SLC25A15: variants seen among roughly 807,000 people sequenced by gnomAD.
SLC25A15 encodes mitochondrial ornithine transporter 1.
SLC25A15 carries 24 observed loss-of-function variants against 32.3 expected under a neutral mutation model. The ratio of observed to expected loss-of-function variants is 0.74; its 90% confidence interval spans 0.54 to 1.04. The LOEUF (loss-of-function observed/expected upper bound fraction) is 1.04, where lower values mean the gene tolerates loss of function less well. Ranked by LOEUF, SLC25A15 falls within the 50% of genes least tolerant of loss-of-function variation. The probability of loss-of-function intolerance (pLI) is 0.00; values close to 1 mark genes in which losing one functional copy is unlikely to be tolerated. For synonymous variants in SLC25A15, 132 were observed against 142.1 expected (o/e 0.93, Z 0.51); for missense variants, 317 against 374.5 (o/e 0.85, Z 1.27).
intron 1 of SLC25A15, 63 bp from the exon 2 acceptor site, chr13:40,793,095 T>A: frequency 1.1e-6 from 1 of 886,216 alleles, no homozygotes. Flanking sequence ...GTAATTTGGC[T>A]GCAGGCCTAG....
chr13:40,806,987 C>T (rs1008692147), intron 4 of SLC25A15, among the ~76,000 whole-genome samples: 13 of 152,332 alleles, frequency 8.5e-5, no homozygotes, highest in Middle Eastern at 3.4e-3. Flanking sequence ...AAAACAGATC[C>T]TGTAAACACC....
chr13:40,792,200 T>C (rs1285855981), intron 1 of SLC25A15, among the ~76,000 whole-genome samples: 2 of 152,232 alleles, frequency 1.3e-5, no homozygotes, highest in African/African-American at 4.8e-5. Context: ...CAAAACATAC[T>C]GAATCCAGAT....
At chr13:40,808,681 C>T in intron 6 of SLC25A15, 85 bp downstream of exon 6, 1 of 1,226,358 alleles carries the variant, frequency 8.2e-7, no homozygotes, top group Non-Finnish European at 1.2e-6. Flanking sequence ...TGCCTGTGAT[C>T]CCAGCACTTT....
At chr13:40,800,099 G>A (rs1473585270) in intron 3 of SLC25A15, among the ~76,000 whole-genome samples, 2 of 152,174 alleles carry the variant, frequency 1.3e-5, no homozygotes, top group East Asian at 3.8e-4. Context: ...CTTCAAGATT[G>A]CAAAGGGCAG....
intron 3 of SLC25A15, among the ~76,000 whole-genome samples, chr13:40,799,899 G>A (rs539097917): frequency 1.3e-5 from 2 of 152,354 alleles, no homozygotes; most frequent in South Asian, 4.1e-4. Flanking sequence ...GGAAATGTCT[G>A]CGAAGATGCA....
intron 3 of SLC25A15, among the ~76,000 whole-genome samples, chr13:40,803,303 C>T (rs1453135928): frequency 2.0e-5 from 3 of 152,090 alleles, no homozygotes; most frequent in Admixed American, 6.5e-5. Flanking sequence ...CAACCTCTGC[C>T]TCCCTGGTTC....
At chr13:40,809,246 G>C (rs1380364706) in intron 6 of SLC25A15, among the ~76,000 whole-genome samples, 3 of 152,192 alleles carry the variant, frequency 2.0e-5, no homozygotes, top group Non-Finnish European at 4.4e-5. Flanking sequence ...CTCCATGGTT[G>C]CCTCTGTCTG....
chr13:40,808,368 T>C, intron 5 of SLC25A15, 70 bp from the exon 6 acceptor site: 2 of 1,342,370 alleles, frequency 1.5e-6, no homozygotes, highest in Admixed American at 1.7e-5. Context: ...CATTACTACA[T>C]TGACCTCTGG....
intron 3 of SLC25A15, among the ~76,000 whole-genome samples, chr13:40,802,611 T>G (rs1389711926): frequency 2.0e-5 from 3 of 151,452 alleles, no homozygotes; most frequent in Non-Finnish European, 4.4e-5. Context: ...AGTCTCACTC[T>G]GTCGCCCAGG....
At position 40,809,553 on chromosome 13, in the gene SLC25A15, C is replaced by G. The variant is rs768406331; in HGVS notation, c.792C>G (p.Ala264=). The part of the protein sequence containing the change: ...INVVKNEGIT[A]LYSGLKPTMI... ...CCTTTTATTTGCTAGGAATAACGGC[C>G]TTATATTCTGGACTGAAACCTACTA... Residue 264 remains alanine, a synonymous_variant, in exon 7 of 7, where the codon GCC becomes GCG. Coordinates refer to ENST00000338625, the MANE Select transcript of SLC25A15 (RefSeq NM_014252.4). 1 of 1,612,004 alleles carries G rather than the reference C, an allele frequency of 6.2e-7. No homozygotes were observed. Among genetic ancestry groups the G allele is most frequent in the Admixed American group, 1.7e-5 (1 of 60,004 alleles).
chr13:40,811,811 ATGTACATGT>A lies in SLC25A15; in HGVS notation c.*2151_*2159del, dbSNP rs1453890653. 6.6e-6 allele frequency among the ~76,000 whole-genome samples: 1 copy of A among 152,222 alleles called. No individual in the cohort carries two copies. Among genetic ancestry groups the A allele is most frequent in the Non-Finnish European group, 1.5e-5 (1 of 68,042 alleles). ...CCATGTATGTGTTTCTGTCAGCAGA[ATGTACATGT>A]TGTACAAAACCTCCAGGTTCCTTAA... On this transcript the variant is annotated 3_prime_UTR_variant, in exon 7 of 7. Transcript: ENST00000338625.
At chr13:40,794,825 T>C (rs1173967183) in intron 2 of SLC25A15, among the ~76,000 whole-genome samples, 1 of 149,080 alleles carries the variant, frequency 6.7e-6, no homozygotes, top group Non-Finnish European at 1.5e-5. Flanking sequence ...AGTATGGTCA[T>C]GAATATGGTC....
intron 3 of SLC25A15, among the ~76,000 whole-genome samples, chr13:40,801,132 C>T (rs1391877318): frequency 1.3e-5 from 2 of 151,102 alleles, no homozygotes; most frequent in Non-Finnish European, 2.9e-5. Context: ...ACCAGGGAGG[C>T]TGAGGTGGGA....
chr13:40,792,925 C>T (rs1380237121), intron 1 of SLC25A15, among the ~76,000 whole-genome samples: 1 of 152,190 alleles, frequency 6.6e-6, no homozygotes, highest in Non-Finnish European at 1.5e-5. Flanking sequence ...TCAGAAAGGT[C>T]AGTTGAAGTG....
chr13:40,803,363 C>A (rs1881977298), intron 3 of SLC25A15, among the ~76,000 whole-genome samples: 1 of 152,112 alleles, frequency 6.6e-6, no homozygotes, highest in African/African-American at 2.4e-5. Flanking sequence ...TACAGGCGTG[C>A]ACCACCAGGC....
rs745823100 is a variant in SLC25A15 at position 40,807,284 on chromosome 13, C to G, written c.453-10C>G. On this transcript the variant is annotated splice_polypyrimidine_tract_variant and intron_variant, in intron 4 of 6. Transcript: ENST00000338625. Reference sequence around the variant, plus strand: ...CTGTAACCGTGCTATCTCTCTGTGTCTCCTCCCAGTACAGTGTGGTCTGTC... The same window carrying G: ...CTGTAACCGTGCTATCTCTCTGTGTGTCCTCCCAGTACAGTGTGGTCTGTC... The G allele has an allele frequency of 1.9e-6, 3 of 1,613,814 alleles. No individual in the cohort carries two copies. Among genetic ancestry groups the G allele is most frequent in the Admixed American group, 3.3e-5 (2 of 59,990 alleles).
intron 2 of SLC25A15, among the ~76,000 whole-genome samples, chr13:40,797,147 T>C (rs1881693642): frequency 6.6e-6 from 1 of 152,140 alleles, no homozygotes; most frequent in African/African-American, 2.4e-5. Context: ...TCATTTGTGG[T>C]AAATTACACG....
At chr13:40,794,855 C>G (rs1593288929) in intron 2 of SLC25A15, among the ~76,000 whole-genome samples, 1 of 151,492 alleles carries the variant, frequency 6.6e-6, no homozygotes, top group East Asian at 1.9e-4. Context: ...GTCATTTGCT[C>G]AATTGTGAAA....
chr13:40,808,801 G>A lies in SLC25A15; in HGVS notation c.781+205G>A, dbSNP rs565339169. ...ACCAAAAAAATCAGCCAGGCGTGGTGGCAGGCACCTGTAGTCCCAGCTACT... is the reference window on the plus strand; with the variant it reads ...ACCAAAAAAATCAGCCAGGCGTGGTAGCAGGCACCTGTAGTCCCAGCTACT... On this transcript the variant is annotated intron_variant, in intron 6 of 6. Coordinates refer to ENST00000338625, the MANE Select transcript of SLC25A15 (RefSeq NM_014252.4). Among the ~76,000 whole-genome samples the A allele has an allele frequency of 2.4e-3, 368 of 152,072 alleles. 1 individual carries two copies. The highest frequency in any genetic ancestry group is 4.1e-3 in the Non-Finnish European group (281 of 67,966).
Sources: gnomAD v4.1 joint callset for allele counts (sites outside exome capture counted in the v4.1 genomes callset) on GRCh38, gnomAD v4.1.1 for gene constraint, MANE v1.5 for transcripts, NCBI Gene and HGNC (gene_info 2026-07-23, HGNC 2026-07-21) for gene names.